The following BANK1 variants were observed in gnomAD, a reference collection of about 807,000 sequenced individuals.
BANK1 encodes B cell scaffold protein with ankyrin repeats 1, also known as B-cell scaffold protein with ankyrin repeats.
BANK1 carries 95 observed loss-of-function variants against 94.5 expected under a neutral mutation model. The ratio of observed to expected loss-of-function variants is 1.00; its 90% CI spans 0.85 to 1.19. The LOEUF (loss-of-function observed/expected upper bound fraction) is 1.19. BANK1 is among the 50% of genes most tolerant of loss of function. The pLI, the probability that BANK1 is intolerant of heterozygous loss-of-function variation, is 0.00. For missense variants in BANK1, 987 were observed against 932.2 expected (o/e 1.06, Z -0.77); for synonymous variants, 334 against 308.4 (o/e 1.08, Z -0.87).
At chr4:101,984,596 G>C (rs1725424797) in intron 7 of BANK1, among the ~76,000 whole-genome samples, 1 of 152,026 alleles carries the variant, frequency 6.6e-6, no homozygotes. Flanking sequence ...TAGTGTTATG[G>C]AATAACAGTA....
intron 7 of BANK1, 21 bp downstream of exon 7, chr4:101,918,210 A>G (rs1339579468): frequency 2.2e-6 from 3 of 1,390,010 alleles, no homozygotes; most frequent in East Asian, 2.4e-5. Context: ...TTTTTAAATT[A>G]TATCTCTGTA....
intron 10 of BANK1, among the ~76,000 whole-genome samples, chr4:102,030,653 T>C (rs890524699): frequency 1.4e-5 from 2 of 147,304 alleles, no homozygotes; most frequent in Admixed American, 6.7e-5. Context: ...TGTGTTCTCA[T>C]CTTTCAACTC....
chr4:101,898,183 G>T (rs1383509050), intron 6 of BANK1, among the ~76,000 whole-genome samples: 1 of 151,788 alleles, frequency 6.6e-6, no homozygotes, highest in East Asian at 1.9e-4. Context: ...ATGCAGTAAA[G>T]ACATGAATAT....
At chr4:101,900,343 G>T (rs567190324) in intron 6 of BANK1, among the ~76,000 whole-genome samples, 2 of 152,308 alleles carry the variant, frequency 1.3e-5, no homozygotes, top group South Asian at 4.1e-4. Flanking sequence ...TGAGAAGATA[G>T]TTAGGAAGTG....
intron 7 of BANK1, among the ~76,000 whole-genome samples, chr4:101,933,875 C>T (rs1408727728): frequency 6.6e-6 from 1 of 151,458 alleles, no homozygotes; most frequent in African/African-American, 2.4e-5. Context: ...TTCTATGAGA[C>T]ACTGTCGTTT....
chr4:102,072,206 TC>T, intron 14 of BANK1, 138 bp from the exon 15 acceptor site: 1 of 702,376 alleles, frequency 1.4e-6, no homozygotes, highest in Non-Finnish European at 2.4e-6. Context: ...CTTTTCGGTA[TC>T]CCCCTTTTAT....
chr4:101,906,920 A>T (rs1039710309), intron 6 of BANK1, among the ~76,000 whole-genome samples: 1 of 152,222 alleles, frequency 6.6e-6, no homozygotes, highest in Non-Finnish European at 1.5e-5. Context: ...AGATGCACCC[A>T]CAGAAATATA....
intron 9 of BANK1, among the ~76,000 whole-genome samples, chr4:102,026,211 A>G (rs1168646557): frequency 6.6e-6 from 1 of 152,200 alleles, no homozygotes; most frequent in African/African-American, 2.4e-5. Flanking sequence ...CATTAGGTTT[A>G]TCTGCCTGGA....
At chr4:102,044,430 A>G (rs1727809223) in intron 11 of BANK1, among the ~76,000 whole-genome samples, 1 of 151,720 alleles carries the variant, frequency 6.6e-6, no homozygotes, top group Non-Finnish European at 1.5e-5. Flanking sequence ...CCAGTCTATC[A>G]TTGTTGGACA....
Position 101,968,563 on chromosome 4 carries a change from G to A in BANK1, c.1206+50374G>A, listed in dbSNP as rs182640476. Among the ~76,000 whole-genome samples, 1,057 of 152,002 alleles carry A rather than the reference G, an allele frequency of 7.0e-3. 3 individuals are homozygous for A. Among genetic ancestry groups the A allele is most frequent in the Middle Eastern group, 0.014 (4 of 294 alleles). On this transcript the variant is annotated intron_variant, in intron 7 of 16. Coordinates refer to ENST00000322953, the MANE Select transcript of BANK1 (RefSeq NM_017935.5). The stretch of plus-strand genomic sequence containing the variant: ...GTAGAGAGGAGAGTAACAATGCCCC[G>A]TTGGTTGCAGTTAGAGGGGCAGACA...
At chr4:101,943,621 G>T (rs1038342618) in intron 7 of BANK1, among the ~76,000 whole-genome samples, 2 of 151,846 alleles carry the variant, frequency 1.3e-5, no homozygotes, top group Non-Finnish European at 2.9e-5. Flanking sequence ...AGGACAGATT[G>T]AGTTGAAATA....
At chr4:101,817,888 G>A (rs114615656) in intron 1 of BANK1, among the ~76,000 whole-genome samples, 2,152 of 149,424 alleles carry the variant, frequency 0.014, 26 homozygotes, top group Non-Finnish European at 0.024. Flanking sequence ...TATTTTATAT[G>A]TGGCCCGAGA....
chr4:101,981,880 G>A (rs1009849937), intron 7 of BANK1: 1 of 152,180 alleles, frequency 6.6e-6, no homozygotes, highest in South Asian at 2.1e-4. Flanking sequence ...CTTCCTGAAA[G>A]CACTGCTGCT....
At chr4:101,833,266 A>G (rs532485891) in intron 2 of BANK1, among the ~76,000 whole-genome samples, 1 of 152,320 alleles carries the variant, frequency 6.6e-6, no homozygotes, top group African/African-American at 2.4e-5. Context: ...GGCGTGAGCC[A>G]CTGCACCTGG....
intron 2 of BANK1, among the ~76,000 whole-genome samples, chr4:101,838,041 C>A (rs1038766621): frequency 2.0e-5 from 3 of 152,072 alleles, no homozygotes; most frequent in Non-Finnish European, 2.9e-5. Flanking sequence ...CTCACTGCAA[C>A]CTCCACCTCC....
chr4:102,004,716 T>C (rs1415639022), intron 7 of BANK1, among the ~76,000 whole-genome samples: 1 of 152,144 alleles, frequency 6.6e-6, no homozygotes, highest in Non-Finnish European at 1.5e-5. Flanking sequence ...GAGTTGTTAC[T>C]CCCAAATATC....
intron 2 of BANK1, among the ~76,000 whole-genome samples, chr4:101,838,564 A>C (rs1193701376): frequency 6.6e-6 from 1 of 152,102 alleles, no homozygotes; most frequent in Non-Finnish European, 1.5e-5. Context: ...AATTAACTCT[A>C]GTGTTAAAGG....
chr4:101,803,824 C>T (rs1435568571), intron 1 of BANK1, among the ~76,000 whole-genome samples: 4 of 149,918 alleles, frequency 2.7e-5, no homozygotes, highest in Non-Finnish European at 5.9e-5. Context: ...GGTGAAACCC[C>T]GTCTCTACTA....
intron 5 of BANK1, among the ~76,000 whole-genome samples, chr4:101,875,797 G>A (rs934439606): frequency 6.6e-6 from 1 of 152,104 alleles, no homozygotes; most frequent in African/African-American, 2.4e-5. Context: ...GTGGTCTGTG[G>A]CACAAAATAA....
Sources: gnomAD v4.1 joint callset for allele counts (sites outside exome capture counted in the v4.1 genomes callset) on GRCh38, gnomAD v4.1.1 for gene constraint, MANE v1.5 for transcripts, NCBI Gene and HGNC (gene_info 2026-07-23, HGNC 2026-07-21) for gene names.